The following RFTN2 variants were observed in gnomAD, a reference collection of about 807,000 sequenced individuals.
The protein encoded by RFTN2 is raftlin family member 2.
A neutral mutation model predicts 52.7 loss-of-function variants in RFTN2; 34 were observed. That is an observed-to-expected ratio of 0.64 (90% CI 0.49 to 0.86). The LOEUF (loss-of-function observed/expected upper bound fraction) is 0.86, where lower values mean the gene tolerates loss of function less well. Among genes scored for constraint, RFTN2 ranks in the 40% least tolerant of loss-of-function variants. The pLI is 0.00. For missense variants in RFTN2, 536 were observed against 600.1 expected (o/e 0.89, Z 1.12); for synonymous variants, 203 against 217.7 (o/e 0.93, Z 0.59).
rs191598692 is a variant in RFTN2, at chr2:197,592,815, C to G, written c.1233+3176G>C. 4.3e-4 allele frequency among the ~76,000 whole-genome samples: 66 copies of G among 152,228 alleles called. 1 individual carries two copies. Among genetic ancestry groups the G allele is most frequent in the African/African-American group, 1.4e-3 (59 of 41,542 alleles). On this transcript the variant is annotated intron_variant, in intron 8 of 8. Coordinates refer to ENST00000295049, the MANE Select transcript of RFTN2 (RefSeq NM_144629.3). The stretch of plus-strand genomic sequence containing the variant: ...CTTTCACAAAATATATATGAGATAG[C>G]TAAATTAACATTTTGGTAATAAATT...
chr2:197,632,544 T>C (rs1420362382), intron 4 of RFTN2, among the ~76,000 whole-genome samples: 1 of 152,240 alleles, frequency 6.6e-6, no homozygotes, highest in East Asian at 1.9e-4. Flanking sequence ...ATTAAATCTC[T>C]TTCCTTTATA....
At chr2:197,648,241 C>T (rs1274589397) in intron 1 of RFTN2, among the ~76,000 whole-genome samples, 1 of 152,222 alleles carries the variant, frequency 6.6e-6, no homozygotes, top group African/African-American at 2.4e-5. Context: ...AGTGGGTATT[C>T]ACGCCAACTT....
chr2:197,598,898 CA>C (rs2087833008), intron 7 of RFTN2, among the ~76,000 whole-genome samples: 3 of 151,668 alleles, frequency 2.0e-5, no homozygotes, highest in African/African-American at 7.3e-5. Context: ...AGTGTGGAAA[CA>C]AAAAGGGCTT....
chr2:197,614,117 C>T (rs900694651), intron 7 of RFTN2, among the ~76,000 whole-genome samples: 1 of 152,208 alleles, frequency 6.6e-6, no homozygotes, highest in African/African-American at 2.4e-5. Context: ...TAAGCTTGAT[C>T]TGCCCTGACC....
intron 8 of RFTN2, among the ~76,000 whole-genome samples, chr2:197,581,013 G>A (rs1447507715): frequency 6.6e-6 from 1 of 151,966 alleles, no homozygotes; most frequent in Non-Finnish European, 1.5e-5. Flanking sequence ...CCACAAGTAT[G>A]GGACATCTCT....
At chr2:197,649,271 A>C (rs1298308909) in intron 1 of RFTN2, among the ~76,000 whole-genome samples, 2 of 152,180 alleles carry the variant, frequency 1.3e-5, no homozygotes, top group Non-Finnish European at 2.9e-5. Context: ...TGAGAATCCA[A>C]ATAAATAGAG....
intron 1 of RFTN2, among the ~76,000 whole-genome samples, chr2:197,655,076 T>C (rs2088876134): frequency 6.6e-6 from 1 of 152,166 alleles, no homozygotes; most frequent in African/African-American, 2.4e-5. Context: ...CTTAAAGGGC[T>C]TTACATATGT....
intron 1 of RFTN2, among the ~76,000 whole-genome samples, chr2:197,671,836 A>C (rs9677044): frequency 2.0e-5 from 3 of 152,156 alleles, no homozygotes; most frequent in Non-Finnish European, 4.4e-5. Flanking sequence ...ACCTCTTTTT[A>C]CTCATAAAGC....
At chr2:197,587,130 T>C (rs1447059997) in intron 8 of RFTN2, among the ~76,000 whole-genome samples, 2 of 152,148 alleles carry the variant, frequency 1.3e-5, no homozygotes, top group African/African-American at 4.8e-5. Flanking sequence ...AGTCATTCTA[T>C]ATGACAAATA....
At chr2:197,589,219 CAAAAAAAAAAAAAAAAA>C (rs35798927) in intron 8 of RFTN2, among the ~76,000 whole-genome samples, 17 of 33,536 alleles carry the variant, frequency 5.1e-4, no homozygotes, top group African/African-American at 1.3e-3. Context: ...GACTCTGTCT[CAAAAAAAAAAAAAAAAA>C]AAAAAAAAAA....
intron 7 of RFTN2, among the ~76,000 whole-genome samples, chr2:197,611,115 A>G (rs990007589): frequency 1.3e-5 from 2 of 152,170 alleles, no homozygotes; most frequent in Non-Finnish European, 2.9e-5. Context: ...TATCAGGATG[A>G]TGCTGGCCTC....
chr2:197,601,293 C>T (rs920648743), intron 7 of RFTN2, among the ~76,000 whole-genome samples: 1 of 152,204 alleles, frequency 6.6e-6, no homozygotes, highest in Non-Finnish European at 1.5e-5. Flanking sequence ...GCTGTGACAA[C>T]AGCATGACTA....
At chr2:197,608,589 C>G (rs979473047) in intron 7 of RFTN2, among the ~76,000 whole-genome samples, 2 of 146,988 alleles carry the variant, frequency 1.4e-5, no homozygotes, top group Non-Finnish European at 3.0e-5. Context: ...GATAGGATTA[C>G]AGGCATGAGC....
chr2:197,618,542 C>T (rs1299135445), intron 5 of RFTN2, among the ~76,000 whole-genome samples: 2 of 151,680 alleles, frequency 1.3e-5, no homozygotes, highest in Admixed American at 1.3e-4. Context: ...TCCGCCTGGC[C>T]GCCCATCGTC....
In RFTN2 at chr2:197,671,154, A is replaced by T. The variant is rs138785063; in HGVS notation, c.139+4166T>A. ...ACTGCCATTTATCTTCCATAGAATT[A>T]GGTCTTAACTCCCTGGCTAAGCCAG... On this transcript the variant is annotated intron_variant, in intron 1 of 8. Transcript: ENST00000295049. Among the ~76,000 whole-genome samples, 13 of 152,330 alleles carry T rather than the reference A, an allele frequency of 8.5e-5. No homozygotes were observed. The East Asian group carries it at 2.3e-3, about 27-fold the overall frequency.
At chr2:197,604,556 TAG>T (rs2087929074) in intron 7 of RFTN2, among the ~76,000 whole-genome samples, 1 of 152,172 alleles carries the variant, frequency 6.6e-6, no homozygotes, top group Non-Finnish European at 1.5e-5. Flanking sequence ...GTAAAACTAT[TAG>T]GCAAGCAAGG....
chr2:197,641,662 C>G (rs1403850770), intron 3 of RFTN2, among the ~76,000 whole-genome samples: 1 of 152,108 alleles, frequency 6.6e-6, no homozygotes, highest in Non-Finnish European at 1.5e-5. Flanking sequence ...AAAATACTTA[C>G]AAACTGAATT....
At chr2:197,572,319 G>C in intron 8 of RFTN2, 39 bp from the exon 9 acceptor site, 1 of 1,601,148 alleles carries the variant, frequency 6.2e-7, no homozygotes, top group Non-Finnish European at 8.6e-7. Context: ...GAGTTAAAAA[G>C]ATGGGTGTTT....
At chr2:197,658,213 C>A (rs1219135754) in intron 1 of RFTN2, among the ~76,000 whole-genome samples, 1 of 149,994 alleles carries the variant, frequency 6.7e-6, no homozygotes, top group Non-Finnish European at 1.5e-5. Context: ...AAATGAGTAT[C>A]CTTTAAGGAC....
Sources: gnomAD v4.1 joint callset for allele counts (sites outside exome capture counted in the v4.1 genomes callset) on GRCh38, gnomAD v4.1.1 for gene constraint, MANE v1.5 for transcripts, NCBI Gene and HGNC (gene_info 2026-07-23, HGNC 2026-07-21) for gene names.